Variants in VTI1A observed in about 807,000 individuals in gnomAD.
VTI1A encodes vesicle transport through interaction with t-SNAREs 1A.
A neutral mutation model predicts 34.9 loss-of-function variants in VTI1A; 22 were observed. The observed-to-expected ratio is 0.63, with a 90% CI of 0.45 to 0.90. The LOEUF is 0.90. Ranked by LOEUF, VTI1A falls within the 40% of genes least tolerant of loss-of-function variation. The pLI, the probability that VTI1A is intolerant of heterozygous loss-of-function variation, is 0.00. For missense variants in VTI1A, 268 were observed against 275.6 expected, an observed-to-expected ratio of 0.97 and a Z score of 0.20; for synonymous variants, 87 against 97.3, an observed-to-expected ratio of 0.89 and a Z score of 0.62.
intron 4 of VTI1A, among the ~76,000 whole-genome samples, chr10:112,527,853 T>C (rs957864067): frequency 1.4e-4 from 22 of 152,054 alleles, no homozygotes; most frequent in African/African-American, 5.1e-4. Flanking sequence ...TACCGTAGTG[T>C]CATGAGTCTA....
At chr10:112,606,805 T>C (rs1292188898) in intron 5 of VTI1A, among the ~76,000 whole-genome samples, 1 of 152,200 alleles carries the variant, frequency 6.6e-6, no homozygotes. Context: ...TTGTCCTTTA[T>C]GCTATTAAAA....
At chr10:112,789,952 C>CT (rs71035402) in intron 7 of VTI1A, among the ~76,000 whole-genome samples, 3,144 of 141,156 alleles carry the variant, frequency 0.022, 37 homozygotes, top group Middle Eastern at 0.045. Context: ...TTTTTCTTTC[C>CT]TTTTTTTTTT....
At chr10:112,713,774 T>A (rs1316327001) in intron 7 of VTI1A, among the ~76,000 whole-genome samples, 5 of 152,190 alleles carry the variant, frequency 3.3e-5, no homozygotes, top group Admixed American at 6.5e-5. Flanking sequence ...AAGAATCAAG[T>A]TTTTAAGGAA....
At chr10:112,598,380 A>AGAGGAGAG (rs1253494757) in intron 5 of VTI1A, among the ~76,000 whole-genome samples, 6 of 152,112 alleles carry the variant, frequency 3.9e-5, no homozygotes, top group Non-Finnish European at 8.8e-5. Context: ...CAGTCTCCAA[A>AGAGGAGAG]TGTACCTTTC....
intron 5 of VTI1A, among the ~76,000 whole-genome samples, chr10:112,561,783 T>C (rs1485986687): frequency 6.6e-6 from 1 of 152,170 alleles, no homozygotes; most frequent in Non-Finnish European, 1.5e-5. Flanking sequence ...AAAAAGTCTT[T>C]AAAGAGACTT....
chr10:112,802,203 C>T (rs1400472795), intron 7 of VTI1A, among the ~76,000 whole-genome samples: 1 of 152,180 alleles, frequency 6.6e-6, no homozygotes, highest in Non-Finnish European at 1.5e-5. Context: ...AGTGCCATGG[C>T]ACTCCAGCCT....
intron 5 of VTI1A, among the ~76,000 whole-genome samples, chr10:112,546,004 GTA>G (rs570582584): frequency 0.013 from 1,743 of 139,130 alleles, 21 homozygotes; most frequent in Admixed American, 0.021. Flanking sequence ...GTGTATACGC[GTA>G]TGTGTGTGTA....
chr10:112,471,401 C>T (rs1448037062), intron 3 of VTI1A, among the ~76,000 whole-genome samples: 6 of 135,008 alleles, frequency 4.4e-5, no homozygotes, highest in Non-Finnish European at 7.9e-5. Flanking sequence ...TTCTTACAGC[C>T]TATAATTGTT....
intron 5 of VTI1A, among the ~76,000 whole-genome samples, chr10:112,616,669 A>G (rs1845522879): frequency 6.6e-6 from 1 of 152,188 alleles, no homozygotes; most frequent in South Asian, 2.1e-4. Context: ...AGAATTGTAT[A>G]TAATATATAC....
At chr10:112,699,172 C>G (rs1342905268) in intron 7 of VTI1A, among the ~76,000 whole-genome samples, 1 of 152,202 alleles carries the variant, frequency 6.6e-6, no homozygotes, top group East Asian at 1.9e-4. Flanking sequence ...TGGCAGTTAC[C>G]ATCACTTTAG....
intron 4 of VTI1A, chr10:112,533,589 CT>C: frequency 1.0e-6 from 1 of 998,736 alleles, no homozygotes; most frequent in Non-Finnish European, 1.2e-6. Context: ...TTTAATTCTG[CT>C]TTTCCCTATA....
intron 5 of VTI1A, among the ~76,000 whole-genome samples, chr10:112,664,440 G>A (rs11196044): frequency 0.045 from 6,913 of 152,044 alleles, 360 homozygotes; most frequent in African/African-American, 0.11. Flanking sequence ...TTATACTGTT[G>A]TTCAGATGGT....
Position 112,464,640 on chromosome 10 carries a change from A to G in VTI1A, c.247A>G (p.Lys83Glu), listed in dbSNP as rs201970285. The G allele has an allele frequency of 6.6e-5, 106 of 1,611,462 alleles. 1 individual carries two copies. In the East Asian group the frequency reaches 2.4e-3, roughly 36 times the overall value. ...RMRSYKQEMGKLETDFKRSRI... is the reference protein window; with the variant it reads ...RMRSYKQEMGELETDFKRSRI... ...GAGAAGCTACAAACAAGAAATGGGA[A>G]AACTCGAAACAGATTTTGTGAGTCA... Residue 83 changes from lysine (K) to glutamate (E), a missense_variant, in exon 3 of 8, where the codon AAA (lysine) becomes GAA (glutamate). By Grantham distance (56) the Lys-to-Glu change is moderately conservative. Coordinates refer to ENST00000393077, the MANE Select transcript of VTI1A (RefSeq NM_145206.4).
chr10:112,790,217 T>C (rs1282026453), intron 7 of VTI1A, among the ~76,000 whole-genome samples: 1 of 152,178 alleles, frequency 6.6e-6, no homozygotes, highest in Non-Finnish European at 1.5e-5. Context: ...GGGCAGAGAT[T>C]GTATTCAAAA....
chr10:112,581,019 G>A (rs1843907215), intron 5 of VTI1A, among the ~76,000 whole-genome samples: 1 of 152,142 alleles, frequency 6.6e-6, no homozygotes, highest in South Asian at 2.1e-4. Flanking sequence ...CTAAATATAA[G>A]TTTGCATTTC....
intron 5 of VTI1A, among the ~76,000 whole-genome samples, chr10:112,552,966 T>C (rs1179142807): frequency 6.6e-6 from 1 of 152,170 alleles, no homozygotes. Flanking sequence ...AAAGGTGTAG[T>C]GTATCTCTCT....
intron 7 of VTI1A, among the ~76,000 whole-genome samples, chr10:112,712,473 A>ATCAC (rs1849454381): frequency 1.1e-5 from 1 of 90,640 alleles, no homozygotes; most frequent in Admixed American, 1.4e-4. Context: ...ATCAACTATT[A>ATCAC]TCACACACAC....
chr10:112,487,472 A>G (rs1358768802), intron 3 of VTI1A, among the ~76,000 whole-genome samples: 1 of 152,174 alleles, frequency 6.6e-6, no homozygotes, highest in Non-Finnish European at 1.5e-5. Context: ...TGGCAATTGG[A>G]TCAAATCCAA....
At chr10:112,800,914 A>G (rs1852855112) in intron 7 of VTI1A, among the ~76,000 whole-genome samples, 1 of 152,198 alleles carries the variant, frequency 6.6e-6, no homozygotes, top group Non-Finnish European at 1.5e-5. Flanking sequence ...AACTTAACCA[A>G]TGCTGTACAA....
Sources: allele counts gnomAD v4.1 joint callset (sites outside exome capture counted in the v4.1 genomes callset), GRCh38; gene constraint gnomAD v4.1.1; transcripts MANE v1.5; gene names NCBI Gene and HGNC (gene_info 2026-07-23, HGNC 2026-07-21).